The following NAV3 variants were observed in gnomAD, a reference collection of about 807,000 sequenced individuals.
NAV3 encodes pore membrane and/or filament interacting like protein 1.
A neutral mutation model predicts 244.7 loss-of-function variants in NAV3; 87 were observed. That is an observed-to-expected ratio of 0.36 (90% confidence interval 0.30 to 0.42). The LOEUF is 0.42. NAV3 is among the 20% of genes least tolerant of loss of function. The pLI, the probability that NAV3 is intolerant of heterozygous loss-of-function variation, is 1.00. For missense variants in NAV3, 2,663 were observed against 2,893.3 expected (o/e 0.92, Z 1.83); for synonymous variants, 1,126 against 1,042.2 (o/e 1.08, Z -1.55).
chr12:78,009,708 A>G (rs561139372), intron 8 of NAV3, among the ~76,000 whole-genome samples: 1 of 152,312 alleles, frequency 6.6e-6, no homozygotes, highest in African/African-American at 2.4e-5. Context: ...TCTGTAGAAC[A>G]GTATCTGCCA....
At chr12:77,841,203 A>G (rs1293969569) in intron 1 of NAV3, among the ~76,000 whole-genome samples, 1 of 152,214 alleles carries the variant, frequency 6.6e-6, no homozygotes, top group African/African-American at 2.4e-5. Flanking sequence ...AAGTCACTAG[A>G]TGAAAGAGTC....
intron 31 of NAV3, among the ~76,000 whole-genome samples, chr12:78,187,961 T>C (rs1415518732): frequency 1.3e-5 from 2 of 151,956 alleles, no homozygotes; most frequent in Non-Finnish European, 2.9e-5. Context: ...CTTTGCCTTC[T>C]ACAGAACAGG....
At chr12:78,112,791 C>T (rs1377169397) in intron 12 of NAV3, among the ~76,000 whole-genome samples, 1 of 152,144 alleles carries the variant, frequency 6.6e-6, no homozygotes, top group Non-Finnish European at 1.5e-5. Context: ...TCATGCCCTT[C>T]CAACAGTCCC....
chr12:77,755,659 ACTCT>A (rs966872958), intron 2 of NAV3, among the ~76,000 whole-genome samples: 4 of 42,132 alleles, frequency 9.5e-5, no homozygotes, highest in African/African-American at 2.9e-4. Flanking sequence ...CCTTCCTTCC[ACTCT>A]CTCTCTTTCT....
At chr12:77,653,531 AT>A (rs1161191704) in intron 2 of NAV3, among the ~76,000 whole-genome samples, 2 of 152,244 alleles carry the variant, frequency 1.3e-5, no homozygotes, top group African/African-American at 4.8e-5. Context: ...TTAACTGAGA[AT>A]TAATGAATTC....
intron 34 of NAV3, among the ~76,000 whole-genome samples, chr12:78,191,247 A>G (rs1958963642): frequency 6.6e-6 from 1 of 152,152 alleles, no homozygotes; most frequent in Admixed American, 6.6e-5. Context: ...GGGAAATAGT[A>G]GGGCTATTCT....
intron 2 of NAV3, among the ~76,000 whole-genome samples, chr12:77,751,571 C>T (rs944206977): frequency 2.0e-5 from 3 of 152,142 alleles, no homozygotes; most frequent in East Asian, 1.9e-4. Flanking sequence ...TGAAGAAGGA[C>T]GTGTTTGCTT....
At chr12:77,875,219 C>A (rs1227812960) in intron 1 of NAV3, among the ~76,000 whole-genome samples, 1 of 151,952 alleles carries the variant, frequency 6.6e-6, no homozygotes, top group African/African-American at 2.4e-5. Context: ...TTCTAGAATA[C>A]CTCATATATG....
At chr12:77,636,551 G>A (rs1872166194) in intron 2 of NAV3, among the ~76,000 whole-genome samples, 1 of 152,006 alleles carries the variant, frequency 6.6e-6, no homozygotes, top group African/African-American at 2.4e-5. Flanking sequence ...GTTGGTGGGA[G>A]TGTAAATTAG....
chr12:77,878,172 T>TA (rs138820799), intron 1 of NAV3, among the ~76,000 whole-genome samples: 3,404 of 152,162 alleles, frequency 0.022, 120 homozygotes, highest in African/African-American at 0.077. Context: ...GGACATGAGG[T>TA]AAAAATCTCA....
intron 2 of NAV3, among the ~76,000 whole-genome samples, chr12:77,717,190 A>G (rs1225650643): frequency 6.6e-6 from 1 of 152,052 alleles, no homozygotes; most frequent in Non-Finnish European, 1.5e-5. Context: ...AGTACTATTA[A>G]CTATATGCAT....
chr12:77,737,979 T>C (rs1877406214), intron 2 of NAV3, among the ~76,000 whole-genome samples: 1 of 152,192 alleles, frequency 6.6e-6, no homozygotes, highest in Admixed American at 6.5e-5. Flanking sequence ...TTTCCTCCCT[T>C]GACATCCCAC....
chr12:77,648,320 CAG>C (rs1365732212), intron 2 of NAV3, among the ~76,000 whole-genome samples: 8 of 152,184 alleles, frequency 5.3e-5, no homozygotes. Context: ...TACACACACA[CAG>C]AGACACCCTT....
intron 2 of NAV3, among the ~76,000 whole-genome samples, chr12:77,821,092 AAC>A (rs10555319): frequency 0.49 from 73,978 of 150,090 alleles, 20,105 homozygotes; most frequent in Non-Finnish European, 0.61. Context: ...TGTTCGCACA[AAC>A]ACACACACAC....
intron 9 of NAV3, among the ~76,000 whole-genome samples, chr12:78,032,803 T>A (rs1337579026): frequency 6.6e-6 from 1 of 152,182 alleles, no homozygotes; most frequent in African/African-American, 2.4e-5. Context: ...AGGCCATCCC[T>A]TTCATCATCT....
intron 1 of NAV3, among the ~76,000 whole-genome samples, chr12:77,867,517 T>A (rs1880247974): frequency 6.6e-6 from 1 of 152,124 alleles, no homozygotes; most frequent in Non-Finnish European, 1.5e-5. Flanking sequence ...CCTCCCAGGT[T>A]CATGCCATTC....
chr12:77,619,604 C>T (rs775863112), intron 2 of NAV3, among the ~76,000 whole-genome samples: 4 of 152,170 alleles, frequency 2.6e-5, no homozygotes, highest in Admixed American at 1.3e-4. Context: ...TCCTGTCAGT[C>T]TGATTCACAC....
intron 11 of NAV3, among the ~76,000 whole-genome samples, chr12:78,057,638 G>T (rs1458936379): frequency 6.6e-6 from 1 of 152,168 alleles, no homozygotes; most frequent in Non-Finnish European, 1.5e-5. Context: ...AATGCTGTAT[G>T]CATGTTATAT....
intron 2 of NAV3, among the ~76,000 whole-genome samples, chr12:77,691,329 G>GTGTATATA (rs1555195177): frequency 3.9e-4 from 26 of 66,702 alleles, no homozygotes; most frequent in Admixed American, 7.8e-4. Context: ...AAGTATTTGT[G>GTGTATATA]TATGTGTGTA....
Sources: allele counts gnomAD v4.1 joint callset (sites outside exome capture counted in the v4.1 genomes callset), GRCh38; gene constraint gnomAD v4.1.1; transcripts MANE v1.5; gene names NCBI Gene and HGNC (gene_info 2026-07-23, HGNC 2026-07-21).